HIPK3: variants seen among roughly 807,000 people sequenced by gnomAD.
The protein encoded by HIPK3 is homeodomain-interacting protein kinase 3.
In HIPK3, 47 loss-of-function variants were observed where a neutral mutation model predicts 124.2. That is an observed-to-expected ratio of 0.38 (90% CI 0.30 to 0.48). The LOEUF (loss-of-function observed/expected upper bound fraction) is 0.48, where lower values mean the gene tolerates loss of function less well. Among genes scored for constraint, HIPK3 ranks in the 20% least tolerant of loss-of-function variants. The pLI is 0.98. For missense variants in HIPK3, 1,286 were observed against 1,454.3 expected, an observed-to-expected ratio of 0.88 and a Z score of 1.88; for synonymous variants, 482 against 515.2, an observed-to-expected ratio of 0.94 and a Z score of 0.87.
intron 1 of HIPK3, among the ~76,000 whole-genome samples, chr11:33,267,502 A>T (rs77952353): frequency 0.025 from 3,350 of 135,116 alleles, 57 homozygotes; most frequent in African/African-American, 0.051. Context: ...TATTATTATT[A>T]TTTTTTTTTT....
intron 8 of HIPK3, among the ~76,000 whole-genome samples, chr11:33,346,141 G>C (rs1197632693): frequency 6.6e-6 from 1 of 152,134 alleles, no homozygotes. Flanking sequence ...CTTTAAGCTG[G>C]AATGTGATAC....
At chr11:33,343,429 A>C (rs926784808) in intron 8 of HIPK3, among the ~76,000 whole-genome samples, 1 of 151,724 alleles carries the variant, frequency 6.6e-6, no homozygotes, top group African/African-American at 2.4e-5. Flanking sequence ...ACAGGTATGC[A>C]CCACCACTCC....
At position 33,351,700 on chromosome 11, in the gene HIPK3, G is replaced by T. The variant is rs2134003963; in HGVS notation, c.2900G>T (p.Ser967Ile). 6.2e-7 allele frequency: 1 copy of T among 1,614,178 alleles called. No homozygotes were observed. The highest frequency in any genetic ancestry group is 8.5e-7 in the Non-Finnish European group (1 of 1,180,020). ...GGGCATGACAGTCCATTTGCAGAGAGCACTTTTGTGGAGGACACTCATGAA... is the reference window on the plus strand; with the variant it reads ...GGGCATGACAGTCCATTTGCAGAGATCACTTTTGTGGAGGACACTCATGAA... ...SSGHDSPFAE[S>I]TFVEDTHENT... The change falls in exon 15 of 17, where the codon AGC (serine) becomes ATC (isoleucine). Residue 967 changes from serine to isoleucine, a missense_variant. By Grantham distance (142) the Ser-to-Ile change is moderately radical. This residue lies in a region of HIPK3 where 810 missense variants were observed against 864.9 expected (regional missense o/e 0.94). Transcript: ENST00000303296.
intron 1 of HIPK3, among the ~76,000 whole-genome samples, chr11:33,266,348 T>C (rs1850965080): frequency 6.6e-6 from 1 of 152,044 alleles, no homozygotes; most frequent in Non-Finnish European, 1.5e-5. Context: ...GATATTAAAA[T>C]AGTAGCATTC....
chr11:33,306,603 C>A (rs969866843), intron 2 of HIPK3, among the ~76,000 whole-genome samples: 11 of 152,234 alleles, frequency 7.2e-5, no homozygotes, highest in Admixed American at 7.2e-4. Context: ...TATTGTGTCA[C>A]CCTGAGCAAG....
rs149818182 is a variant in HIPK3, at chr11:33,333,715, A to G, written c.1222-3360A>G. Among the ~76,000 whole-genome samples, 148 of 152,116 alleles carry G rather than the reference A, an allele frequency of 9.7e-4. 1 individual carries two copies. The East Asian group carries it at 0.024, about 25-fold the overall frequency. On this transcript the variant is annotated intron_variant, in intron 3 of 16. Transcript: ENST00000303296. ...TTTTTTGTTTTACAGAGCCATCTCAACTCCTGAGGTACATTAATTGCTCTA... is the reference window on the plus strand; with the variant it reads ...TTTTTTGTTTTACAGAGCCATCTCAGCTCCTGAGGTACATTAATTGCTCTA...
At chr11:33,305,327 C>G (rs1171916431) in intron 2 of HIPK3, among the ~76,000 whole-genome samples, 1 of 152,090 alleles carries the variant, frequency 6.6e-6, no homozygotes, top group East Asian at 1.9e-4. Context: ...TTTTTCACTA[C>G]TCTGTATTAC....
chr11:33,338,713 T>C (rs1310158788), intron 4 of HIPK3, 44 bp from the exon 5 acceptor site: 2 of 1,279,710 alleles, frequency 1.6e-6, no homozygotes, highest in African/African-American at 3.0e-5. Flanking sequence ...ATTAAAGAAA[T>C]TTGTAATAAT....
chr11:33,274,296 T>G (rs907281204), intron 1 of HIPK3, among the ~76,000 whole-genome samples: 3 of 152,178 alleles, frequency 2.0e-5, no homozygotes, highest in African/African-American at 7.2e-5. Context: ...TTCTTAATCT[T>G]TAATATTTTG....
At chr11:33,265,698 A>G (rs111829273) in intron 1 of HIPK3, among the ~76,000 whole-genome samples, 3 of 138,922 alleles carry the variant, frequency 2.2e-5, no homozygotes, top group African/African-American at 5.4e-5. Context: ...ACTTGAGCCC[A>G]GGAGGTCGAG....
chr11:33,341,742 G>T, intron 8 of HIPK3, 56 bp downstream of exon 8: 1 of 1,462,620 alleles, frequency 6.8e-7, no homozygotes. Flanking sequence ...TTTAAAATAA[G>T]TTTAGGAATC....
intron 1 of HIPK3, 60 bp from the exon 2 acceptor site, chr11:33,286,353 T>A (rs916766978): frequency 1.4e-5 from 19 of 1,345,524 alleles, no homozygotes; most frequent in Non-Finnish European, 1.8e-5. Context: ...AAAAAAATTG[T>A]TGACATTAAT....
intron 1 of HIPK3, among the ~76,000 whole-genome samples, chr11:33,268,618 TAAAA>T (rs368978453): frequency 0.026 from 3,515 of 135,952 alleles, 131 homozygotes; most frequent in African/African-American, 0.089. Flanking sequence ...AAAAAAAAAT[TAAAA>T]AAAGAATCTT....
intron 3 of HIPK3, 32 bp downstream of exon 3, chr11:33,328,665 T>A: frequency 6.3e-7 from 1 of 1,599,860 alleles, no homozygotes. Flanking sequence ...ATAGAATTGG[T>A]AAAAAGTAAA....
Position 33,339,746 on chromosome 11 carries a change from C to T in HIPK3, c.1613+212C>T, listed in dbSNP as rs984448457. Among the ~76,000 whole-genome samples, 1 of 152,096 alleles carries T rather than the reference C, an allele frequency of 6.6e-6. No individual in the cohort carries two copies. Among genetic ancestry groups the T allele is most frequent in the Non-Finnish European group, 1.5e-5 (1 of 68,012 alleles). Reference sequence around the variant, plus strand: ...AGTCCAGTGTTCCTTCTCCAAAATGCGATACTAAAAATAAGACTGAGTGGT... The same window carrying T: ...AGTCCAGTGTTCCTTCTCCAAAATGTGATACTAAAAATAAGACTGAGTGGT... On this transcript the variant is annotated intron_variant, in intron 6 of 16. Transcript: ENST00000303296.
chr11:33,307,163 T>G (rs1292633320), intron 2 of HIPK3, among the ~76,000 whole-genome samples: 1 of 152,086 alleles, frequency 6.6e-6, no homozygotes, highest in Non-Finnish European at 1.5e-5. Context: ...GGTGTTGAAC[T>G]CCTGACCTCA....
chr11:33,317,547 G>C (rs913205269), intron 2 of HIPK3, among the ~76,000 whole-genome samples: 2 of 152,130 alleles, frequency 1.3e-5, no homozygotes, highest in Non-Finnish European at 2.9e-5. Flanking sequence ...GATTACAGTC[G>C]TGAGCCACTG....
Position 33,348,190 on chromosome 11 carries a change from A to G in HIPK3, c.2331A>G (p.Glu777=), listed in dbSNP as rs138541251. Residue 777 remains glutamate, a synonymous_variant, in exon 12 of 17, where the codon GAA becomes GAG. Coordinates refer to ENST00000303296, the MANE Select transcript of HIPK3 (RefSeq NM_005734.5). ...GAGGTATTTTGGTAAAACTAATGGA[A>G]TGGGAGCCAGGAAGAGAGGAAATAA... ...QNRGILVKLM[E]WEPGREEINA... The G allele has an allele frequency of 6.2e-7, 1 of 1,614,062 alleles. No homozygotes were observed. The highest frequency in any genetic ancestry group is 8.5e-7 in the Non-Finnish European group (1 of 1,179,960).
intron 2 of HIPK3, among the ~76,000 whole-genome samples, chr11:33,313,614 C>G (rs1043921395): frequency 7.2e-5 from 11 of 151,766 alleles, no homozygotes; most frequent in Non-Finnish European, 1.5e-4. Context: ...TTTTTTGCAA[C>G]TTTTCTGTAA....
Sources: gnomAD v4.1 joint callset for allele counts (sites outside exome capture counted in the v4.1 genomes callset) on GRCh38, gnomAD v4.1.1 for gene constraint, gnomAD v4.1.1 regional missense constraint, MANE v1.5 for transcripts, NCBI Gene and HGNC (gene_info 2026-07-23, HGNC 2026-07-21) for gene names.